Variants in MEI4 observed in about 807,000 individuals in gnomAD.
MEI4 encodes meiotic double-stranded break formation protein 4.
Under a neutral mutation model 31.4 loss-of-function variants are expected in MEI4, and 27 were observed. That is an observed-to-expected ratio of 0.86 (90% CI 0.63 to 1.19). MEI4 has a LOEUF of 1.19. Among genes scored for constraint, MEI4 ranks in the 50% most tolerant of loss-of-function variants. The pLI is 0.00. For synonymous variants in MEI4, 122 were observed against 145.4 expected, an observed-to-expected ratio of 0.84 and a Z score of 1.16; for missense variants, 329 against 398.9, an observed-to-expected ratio of 0.82 and a Z score of 1.49.
chr6:77,803,692 T>C (rs2127701813), intron 3 of MEI4, among the ~76,000 whole-genome samples: 1 of 152,322 alleles, frequency 6.6e-6, no homozygotes, highest in Middle Eastern at 3.4e-3. Flanking sequence ...CTTCTGTCAT[T>C]CAGGACCCTC....
intron 2 of MEI4, among the ~76,000 whole-genome samples, chr6:77,713,966 A>G (rs753098973): frequency 5.9e-5 from 9 of 152,086 alleles, no homozygotes; most frequent in Non-Finnish European, 1.2e-4. Context: ...GCTCCTACTT[A>G]TAAGTAAGAA....
intron 3 of MEI4, among the ~76,000 whole-genome samples, chr6:77,788,633 T>C (rs1022829685): frequency 2.0e-5 from 3 of 152,092 alleles, no homozygotes; most frequent in Non-Finnish European, 2.9e-5. Flanking sequence ...AGCCGAATCA[T>C]GAGTGAACTC....
At chr6:77,915,346 A>ATT (rs2127740317) in intron 4 of MEI4, among the ~76,000 whole-genome samples, 1 of 151,916 alleles carries the variant, frequency 6.6e-6, no homozygotes, top group African/African-American at 2.4e-5. Context: ...GTCTCATGAG[A>ATT]TTTTGCTTGT....
intron 2 of MEI4, among the ~76,000 whole-genome samples, chr6:77,708,758 G>C (rs944831321): frequency 6.6e-6 from 1 of 152,040 alleles, no homozygotes; most frequent in Non-Finnish European, 1.5e-5. Context: ...AAAAGAGTGT[G>C]ACACCTCCCC....
intron 4 of MEI4, among the ~76,000 whole-genome samples, chr6:77,854,214 T>C (rs1430065997): frequency 6.6e-6 from 1 of 152,086 alleles, no homozygotes; most frequent in African/African-American, 2.4e-5. Context: ...ACTGCTTATA[T>C]CTAAATAATA....
intron 2 of MEI4, among the ~76,000 whole-genome samples, chr6:77,739,375 A>G (rs970401446): frequency 6.6e-6 from 1 of 152,126 alleles, no homozygotes; most frequent in Admixed American, 6.6e-5. Context: ...CATACACACC[A>G]TGGAATACTA....
rs146822810 is a variant in MEI4, at chr6:77,761,527, A to G, written c.630A>G (p.Thr210=). 5.8e-4 allele frequency: 710 copies of G among 1,232,164 alleles called. 13 individuals carry two copies. The East Asian group carries it at 0.015, about 25-fold the overall frequency. 76.3% of individuals were successfully genotyped at this position (1,232,164 alleles called of 1,614,324 possible). The change falls in exon 3 of 5, where the codon ACA becomes ACG. Residue 210 remains threonine (T), a synonymous_variant. Coordinates refer to ENST00000684080, the MANE Select transcript of MEI4 (RefSeq NM_001322247.2). Reference sequence around the variant, plus strand: ...AACTTCCTTTTTCAAGATTTTGGACAGAAGCTGTTGGTACTTTAGCTAGTC... The same window carrying G: ...AACTTCCTTTTTCAAGATTTTGGACGGAAGCTGTTGGTACTTTAGCTAGTC... ...NPKLPFSRFW[T]EAVGTLASLI... is the part of the protein sequence containing the mutation.
At chr6:77,701,980 C>T (rs964711535) in intron 2 of MEI4, among the ~76,000 whole-genome samples, 4 of 152,160 alleles carry the variant, frequency 2.6e-5, no homozygotes, top group African/African-American at 9.7e-5. Context: ...CCTCACTCTT[C>T]TTTTCTGCCT....
At chr6:77,742,524 C>T (rs1176255015) in intron 2 of MEI4, among the ~76,000 whole-genome samples, 2 of 152,104 alleles carry the variant, frequency 1.3e-5, no homozygotes, top group African/African-American at 2.4e-5. Flanking sequence ...ATATTAGCCC[C>T]TTGGTGAGAT....
At chr6:77,799,230 T>C (rs1241906178) in intron 3 of MEI4, among the ~76,000 whole-genome samples, 1 of 152,202 alleles carries the variant, frequency 6.6e-6, no homozygotes, top group East Asian at 1.9e-4. Context: ...GATTTGCATT[T>C]CTCTGATGGC....
At chr6:77,866,708 C>A (rs1409451118) in intron 4 of MEI4, among the ~76,000 whole-genome samples, 1 of 152,116 alleles carries the variant, frequency 6.6e-6, no homozygotes, top group Non-Finnish European at 1.5e-5. Context: ...ACTTTCTTCA[C>A]AGAATTGGAA....
intron 4 of MEI4, among the ~76,000 whole-genome samples, chr6:77,867,635 C>G (rs977475911): frequency 5.3e-5 from 8 of 152,154 alleles, no homozygotes; most frequent in Non-Finnish European, 1.2e-4. Flanking sequence ...TAAACTAGTT[C>G]AACCATTGTG....
chr6:77,844,342 G>A (rs781368272), intron 4 of MEI4, among the ~76,000 whole-genome samples: 33 of 152,046 alleles, frequency 2.2e-4, no homozygotes, highest in Non-Finnish European at 4.0e-4. Context: ...TGCTTTTATT[G>A]CTGTAAACAA....
At chr6:77,851,185 G>C (rs1770609598) in intron 4 of MEI4, among the ~76,000 whole-genome samples, 1 of 152,136 alleles carries the variant, frequency 6.6e-6, no homozygotes, top group South Asian at 2.1e-4. Flanking sequence ...TTACACTGTT[G>C]GTGGGACTGT....
At chr6:77,671,818 T>C (rs1353644314) in intron 1 of MEI4, among the ~76,000 whole-genome samples, 2 of 152,146 alleles carry the variant, frequency 1.3e-5, no homozygotes, top group African/African-American at 4.8e-5. Context: ...GACCTATACA[T>C]AGGAGATTAG....
chr6:77,858,718 A>G (rs1163992221), intron 4 of MEI4, among the ~76,000 whole-genome samples: 3 of 152,166 alleles, frequency 2.0e-5, no homozygotes, highest in Non-Finnish European at 1.5e-5. Flanking sequence ...ATTTGTTGGA[A>G]TAGTTATTTC....
intron 4 of MEI4, among the ~76,000 whole-genome samples, chr6:77,889,014 C>T (rs919890705): frequency 6.6e-6 from 1 of 152,178 alleles, no homozygotes; most frequent in African/African-American, 2.4e-5. Context: ...CCTGAGGCCT[C>T]CTCAGCCCTG....
At chr6:77,744,237 T>C (rs968723800) in intron 2 of MEI4, among the ~76,000 whole-genome samples, 3 of 151,980 alleles carry the variant, frequency 2.0e-5, no homozygotes, top group African/African-American at 2.4e-5. Context: ...TTTAGACGAA[T>C]GTATAACTAG....
intron 3 of MEI4, among the ~76,000 whole-genome samples, chr6:77,787,275 T>C (rs572254514): frequency 6.6e-6 from 1 of 152,262 alleles, no homozygotes; most frequent in East Asian, 1.9e-4. Context: ...AAGGCCACAT[T>C]CATCTGTGCA....
Sources: allele counts gnomAD v4.1 joint callset (sites outside exome capture counted in the v4.1 genomes callset), GRCh38; gene constraint gnomAD v4.1.1; transcripts MANE v1.5; gene names NCBI Gene and HGNC (gene_info 2026-07-23, HGNC 2026-07-21).